The following PTOV1 variants were observed in gnomAD, a reference collection of about 807,000 sequenced individuals.
The protein encoded by PTOV1 is PTOV1 extended AT-hook containing adaptor protein, also known as prostate tumor-overexpressed gene 1 protein.
A neutral mutation model predicts 58.0 loss-of-function variants in PTOV1; 20 were observed. The observed-to-expected ratio is 0.34, with a 90% CI of 0.24 to 0.50. The LOEUF is 0.50. Among genes scored for constraint, PTOV1 ranks in the 20% least tolerant of loss-of-function variants. The probability of loss-of-function intolerance (pLI) is 0.98; values close to 1 mark genes in which losing one functional copy is unlikely to be tolerated. For missense variants in PTOV1, 593 were observed against 565.4 expected, an observed-to-expected ratio of 1.05 and a Z score of -0.50; for synonymous variants, 335 against 234.2, an observed-to-expected ratio of 1.43 and a Z score of -3.93.
chr19:49,859,777 C>G (rs756953359), intron 10 of PTOV1: 4 of 604,786 alleles, frequency 6.6e-6, no homozygotes, highest in African/African-American at 5.6e-5. Context: ...GGGCCCTTCC[C>G]GACAGAGCCT....
At chr19:49,851,149 C>A (rs980730058), upstream of PTOV1, 5 of 1,303,936 alleles carry the variant, frequency 3.8e-6, no homozygotes, top group African/African-American at 6.2e-5. Flanking sequence ...CGGGCTCCCC[C>A]GCTCGCCTCA....
intron 1 of PTOV1, among the ~76,000 whole-genome samples, chr19:49,853,521 C>T (rs911803096): frequency 7.3e-5 from 11 of 150,228 alleles, no homozygotes; most frequent in African/African-American, 2.4e-5. Context: ...AAAAATTAGC[C>T]GGGCATGATG....
intron 6 of PTOV1, 184 bp from the exon 7 acceptor site, chr19:49,857,509 C>G: frequency 1.5e-6 from 1 of 655,464 alleles, no homozygotes; most frequent in Admixed American, 2.7e-5. Flanking sequence ...TGTCTCAGGC[C>G]ACTGGGGAGC....
intron 10 of PTOV1, among the ~76,000 whole-genome samples, chr19:49,859,578 A>G (rs1350351894): frequency 6.6e-6 from 1 of 152,106 alleles, no homozygotes; most frequent in Non-Finnish European, 1.5e-5. Flanking sequence ...GTCTCAAAAA[A>G]AAAAAAAAAG....
At chr19:49,851,789 A>G (rs1190457974) in intron 1 of PTOV1, 1 of 1,045,000 alleles carries the variant, frequency 9.6e-7, no homozygotes, top group South Asian at 4.6e-5. Flanking sequence ...GGGGCGGCAG[A>G]CAGGCAGCCG....
chr19:49,854,095 G>A (rs1031129831), intron 1 of PTOV1, among the ~76,000 whole-genome samples: 1 of 152,228 alleles, frequency 6.6e-6, no homozygotes. Flanking sequence ...CTCAAGAATC[G>A]ATCAGGCGCA....
At chr19:49,859,572 CAAAAA>C (rs113785990) in intron 10 of PTOV1, among the ~76,000 whole-genome samples, 2 of 127,702 alleles carry the variant, frequency 1.6e-5, no homozygotes, top group African/African-American at 2.9e-5. Flanking sequence ...AACTCAGTCT[CAAAAA>C]AAAAAAAAAA....
Position 49,856,960 on chromosome 19 carries a change from CCG to C in PTOV1, c.559-12_559-11del. 6.2e-7 allele frequency: 1 copy of C among 1,611,870 alleles called. No individual in the cohort carries two copies. The highest frequency in any genetic ancestry group is 8.5e-7 in the Non-Finnish European group (1 of 1,179,764). ...CGGGCAGTGACCACAGGGTCCTGACCCGCGGCCCCCGCAGGCGGGCTGCATGC... is the reference window on the plus strand; with the variant it reads ...CGGGCAGTGACCACAGGGTCCTGACCCGGCCCCCGCAGGCGGGCTGCATGC... On this transcript the variant is annotated splice_polypyrimidine_tract_variant and intron_variant, in intron 5 of 11. Coordinates refer to ENST00000391842, the Ensembl canonical transcript of PTOV1.
intron 6 of PTOV1, 200 bp downstream of exon 6, chr19:49,857,330 A>T: frequency 1.3e-6 from 1 of 743,970 alleles, no homozygotes; most frequent in South Asian, 1.8e-5. Context: ...GCAGGGCTGG[A>T]GGGTGGGTCT....
At chr19:49,859,758 C>A in intron 10 of PTOV1, 1 of 576,550 alleles carries the variant, frequency 1.7e-6, no homozygotes, top group Non-Finnish European at 3.1e-6. Flanking sequence ...CTCTGAAATG[C>A]AGGTTCTTGG....
At position 49,858,119 on chromosome 19, in the gene PTOV1, G is replaced by A. The variant is rs771967042; in HGVS notation, c.936+5G>A. The A allele has an allele frequency of 1.5e-5, 24 of 1,612,784 alleles. 1 individual carries two copies. Among genetic ancestry groups the A allele is most frequent in the Non-Finnish European group, 1.9e-5 (22 of 1,179,780 alleles). On this transcript the variant is annotated splice_donor_5th_base_variant and intron_variant, in intron 9 of 11. Transcript: ENST00000391842. The stretch of plus-strand genomic sequence containing the variant: ...CTCATCCCGCAGCAGCTGCTGGTGA[G>A]GGGCTGGGGCCGGGTGCTGGAGCCT...
intron 1 of PTOV1, among the ~76,000 whole-genome samples, chr19:49,853,879 T>TG (rs2074355648): frequency 6.6e-6 from 1 of 152,008 alleles, no homozygotes; most frequent in Admixed American, 6.6e-5. Flanking sequence ...GCCAGAGAGG[T>TG]GGGCACTGGC....
intron 5 of PTOV1, 176 bp downstream of exon 5, chr19:49,855,253 A>C (rs909090725): frequency 4.8e-6 from 3 of 624,644 alleles, no homozygotes; most frequent in African/African-American, 1.8e-5. Flanking sequence ...CGTAGAGCAC[A>C]GGGTGAAGGA....
exon 1 of PTOV1, chr19:49,851,200 C>G (rs1371102687): frequency 8.3e-7 from 1 of 1,210,372 alleles, no homozygotes; most frequent in Non-Finnish European, 1.0e-6. Context: ...GGCGCGTCCC[C>G]CGAGCTTGGT....
At chr19:49,854,112 G>C (rs1031534198) in intron 1 of PTOV1, among the ~76,000 whole-genome samples, 2 of 152,228 alleles carry the variant, frequency 1.3e-5, no homozygotes, top group African/African-American at 4.8e-5. Flanking sequence ...CGCACAGCTG[G>C]GGCAAAGGCT....
At chr19:49,859,955 G>T (rs1426716675) in intron 10 of PTOV1, 31 bp from the exon 11 acceptor site, 1 of 1,612,526 alleles carries the variant, frequency 6.2e-7, no homozygotes, top group Middle Eastern at 1.7e-4. Flanking sequence ...CTGTGGTGCT[G>T]TCTGGTGACA....
upstream of PTOV1, chr19:49,851,017 C>T (rs1408274073): frequency 4.6e-6 from 7 of 1,530,242 alleles, no homozygotes; most frequent in East Asian, 4.9e-5. Flanking sequence ...TCCCAGGACT[C>T]CCCCGCGCCG....
At chr19:49,857,534 A>G (rs982083452) in intron 6 of PTOV1, 159 bp from the exon 7 acceptor site, 2 of 706,332 alleles carry the variant, frequency 2.8e-6, no homozygotes, top group African/African-American at 1.8e-5. Flanking sequence ...GGGGGCTGTG[A>G]GCAGATGAGG....
chr19:49,857,730 A>G (rs201040050), exon 7 of PTOV1: 3 of 1,614,140 alleles, frequency 1.9e-6, no homozygotes, highest in East Asian at 2.2e-5. Flanking sequence ...GGCCCAGTCC[A>G]GATCGTCAAC....
Sources: allele counts gnomAD v4.1 joint callset (sites outside exome capture counted in the v4.1 genomes callset), GRCh38; gene constraint gnomAD v4.1.1; transcripts MANE v1.5; gene names NCBI Gene and HGNC (gene_info 2026-07-23, HGNC 2026-07-21).